Variants in PROSER3 observed in about 807,000 individuals in gnomAD.
PROSER3 encodes proline and serine rich 3, also known as proline and serine-rich protein 3.
Under a neutral mutation model 50.2 loss-of-function variants are expected in PROSER3, and 33 were observed. The ratio of observed to expected loss-of-function variants is 0.66; its 90% CI spans 0.50 to 0.88. PROSER3 has a LOEUF of 0.88. Ranked by LOEUF, PROSER3 falls within the 40% of genes least tolerant of loss-of-function variation. PROSER3 has a pLI of 0.00. For missense variants in PROSER3, 623 were observed against 612.7 expected (o/e 1.02, Z -0.18); for synonymous variants, 266 against 259.3 (o/e 1.03, Z -0.25).
exon 9 of PROSER3, chr19:35,767,812 T>C (rs774187444): frequency 1.9e-6 from 3 of 1,612,716 alleles, no homozygotes; most frequent in Non-Finnish European, 2.5e-6. Context: ...AGGCCGAGTC[T>C]CTGAAAGCCA....
intron 3 of PROSER3, 75 bp downstream of exon 3, chr19:35,760,066 C>G: frequency 7.3e-7 from 1 of 1,372,278 alleles, no homozygotes; most frequent in Non-Finnish European, 9.8e-7. Context: ...TAATAATCAT[C>G]ATGGCCAGAG....
chr19:35,764,784 C>T, intron 5 of PROSER3, 70 bp from the exon 6 acceptor site: 1 of 1,382,940 alleles, frequency 7.2e-7, no homozygotes, highest in South Asian at 1.2e-5. Context: ...GCATTCCAGG[C>T]CCTCTGTTTA....
exon 8 of PROSER3, chr19:35,766,826 C>A: frequency 6.4e-7 from 1 of 1,551,658 alleles, no homozygotes; most frequent in Non-Finnish European, 8.7e-7. Flanking sequence ...CAGCCTCCTC[C>A]CAAGCACCCC....
At chr19:35,763,960 G>A in intron 5 of PROSER3, among the ~76,000 whole-genome samples, 1 of 151,416 alleles carries the variant, frequency 6.6e-6, no homozygotes. Context: ...CTAATTTTTT[G>A]GTTTTTTTGT....
intron 5 of PROSER3, 23 bp from the exon 6 acceptor site, chr19:35,764,831 C>T (rs375415245): frequency 6.4e-5 from 103 of 1,603,286 alleles, no homozygotes; most frequent in African/African-American, 2.8e-4. Context: ...TTGGGGCTGG[C>T]GTCTGACCCT....
In PROSER3 at chr19:35,767,055, C is replaced by T; in HGVS notation, c.957+100C>T. ...CCCTCTCTCTCTCTGTCTCAGATCT[C>T]TCTTATCTGTCTACAGACCTCTCCT... On this transcript the variant is annotated intron_variant, in intron 8 of 10. Transcript: ENST00000396908. 2 of 1,368,714 alleles carry T rather than the reference C, an allele frequency of 1.5e-6. No individual in the cohort carries two copies. The highest frequency in any genetic ancestry group is 5.1e-5 in the East Asian group (2 of 39,496). The allele number at this position is 1,368,714 out of a possible 1,614,324, so 84.8% of individuals were successfully genotyped here.
exon 11 of PROSER3, chr19:35,768,602 C>A: frequency 6.6e-7 from 1 of 1,504,836 alleles, no homozygotes; most frequent in Non-Finnish European, 8.8e-7. Flanking sequence ...CATACAGTTA[C>A]TGGTTATCTG....
intron 7 of PROSER3, among the ~76,000 whole-genome samples, chr19:35,765,511 C>T (rs978754912): frequency 6.2e-4 from 93 of 151,130 alleles, no homozygotes; most frequent in Admixed American, 6.0e-3. Flanking sequence ...ACCTGGGAGG[C>T]GGAGGTTGCA....
intron 8 of PROSER3, chr19:35,767,510 G>C: frequency 2.2e-6 from 1 of 449,036 alleles, no homozygotes; most frequent in Non-Finnish European, 4.0e-6. Context: ...GCCCATCCCT[G>C]ACCCAAGCAG....
intron 7 of PROSER3, among the ~76,000 whole-genome samples, chr19:35,766,070 G>A (rs10419971): frequency 0.15 from 23,233 of 152,108 alleles, 2,168 homozygotes; most frequent in African/African-American, 0.26. Flanking sequence ...CTCTGGCTGA[G>A]AGTAGGGAAC....
rs751989418 is a variant in PROSER3, at chr19:35,767,886, C to G, written c.1040C>G (p.Ala347Gly). ...AGCGAAGCCACTCCTTCCCCTGGAG[C>G]CTGCCTGCAGCCCGAGGTCCCACTC... is the stretch of plus-strand genomic sequence containing the variant. The change falls in exon 9 of 11, where the codon GCC (alanine) becomes GGC (glycine). Residue 347 changes from alanine (A) to glycine (G), a missense_variant. By Grantham distance (60) the Ala-to-Gly change is moderately conservative. Coordinates refer to ENST00000396908, the Ensembl canonical transcript of PROSER3. The G allele has an allele frequency of 1.2e-5, 20 of 1,613,266 alleles. No individual in the cohort carries two copies. The highest frequency in any genetic ancestry group is 3.3e-5 in the Admixed American group (2 of 59,968).
At chr19:35,760,410 CTG>C (rs1333176501) in intron 3 of PROSER3, among the ~76,000 whole-genome samples, 9 of 152,108 alleles carry the variant, frequency 5.9e-5, no homozygotes, top group Admixed American at 5.9e-4. Flanking sequence ...CCAAAAAGTG[CTG>C]TGATTACAGG....
At chr19:35,763,202 G>GC (rs895994260) in intron 5 of PROSER3, among the ~76,000 whole-genome samples, 4 of 151,480 alleles carry the variant, frequency 2.6e-5, no homozygotes, top group Non-Finnish European at 5.9e-5. Flanking sequence ...TGGGCTCCAT[G>GC]CCCCCCCTTT....
chr19:35,766,023 C>G (rs370938052), intron 7 of PROSER3, among the ~76,000 whole-genome samples: 1 of 152,088 alleles, frequency 6.6e-6, no homozygotes, highest in African/African-American at 2.4e-5. Flanking sequence ...TTCTTAAGTA[C>G]GAGAGGCCTG....
chr19:35,760,008 C>G lies in PROSER3; in HGVS notation c.311+17C>G. 1 of 1,546,392 alleles carries G rather than the reference C, an allele frequency of 6.5e-7. No individual in the cohort carries two copies. The highest frequency in any genetic ancestry group is 1.2e-5 in the South Asian group (1 of 81,798). On this transcript the variant is annotated intron_variant, in intron 3 of 10. Transcript: ENST00000396908. ...GGTGGCCAAGTAAGTACCAGCAGCC[C>G]TGGGGGAAAAAGAGGCTTTGGGTTA...
exon 11 of PROSER3, chr19:35,768,943 G>C (rs1192880648): frequency 6.4e-6 from 1 of 156,662 alleles, no homozygotes; most frequent in African/African-American, 2.4e-5. Flanking sequence ...AGCAGCATCT[G>C]GTGCAGCTGA....
chr19:35,763,533 T>C (rs1029605532), intron 5 of PROSER3, among the ~76,000 whole-genome samples: 4 of 135,768 alleles, frequency 2.9e-5, no homozygotes, highest in African/African-American at 1.1e-4. Context: ...AGACGGAGTC[T>C]TGTGCTGTCA....
intron 7 of PROSER3, among the ~76,000 whole-genome samples, chr19:35,765,528 C>T (rs759474783): frequency 7.0e-4 from 107 of 151,900 alleles, no homozygotes; most frequent in Middle Eastern, 3.4e-3. Flanking sequence ...TGCAGTGAGC[C>T]GAGATTGCGC....
rs1445952249 is a variant in PROSER3, at chr19:35,768,247, C to T, written c.1301+11C>T. On this transcript the variant is annotated intron_variant, in intron 10 of 10. Coordinates refer to ENST00000396908, the Ensembl canonical transcript of PROSER3. ...GAGTCGGCAGAAAAGGTGACCGACC[C>T]TCCATCCCCAGAGTCTATGACACTG... is the stretch of plus-strand genomic sequence containing the variant. 2 of 1,608,556 alleles carry T rather than the reference C, an allele frequency of 1.2e-6. No homozygotes were observed. Among genetic ancestry groups the T allele is most frequent in the Non-Finnish European group, 8.5e-7 (1 of 1,177,816 alleles).
Sources: allele counts gnomAD v4.1 joint callset (sites outside exome capture counted in the v4.1 genomes callset), GRCh38; gene constraint gnomAD v4.1.1; transcripts MANE v1.5; gene names NCBI Gene and HGNC (gene_info 2026-07-23, HGNC 2026-07-21).